CLCNKB: variants seen among roughly 807,000 people sequenced by gnomAD.
CLCNKB encodes chloride voltage-gated channel Kb.
A neutral mutation model predicts 83.8 loss-of-function variants in CLCNKB; 74 were observed. That is an observed-to-expected ratio of 0.88 (90% CI 0.73 to 1.07). The LOEUF (loss-of-function observed/expected upper bound fraction) is 1.07, where lower values mean the gene tolerates loss of function less well. CLCNKB is among the 50% of genes least tolerant of loss of function. The probability of loss-of-function intolerance (pLI) is 0.00; values close to 1 mark genes in which losing one functional copy is unlikely to be tolerated. For synonymous variants in CLCNKB, 358 were observed against 356.6 expected (o/e 1.00, Z -0.04); for missense variants, 798 against 893.6 (o/e 0.89, Z 1.36).
chr1:16,055,707 C>A lies in CLCNKB; in HGVS notation c.1878C>A (p.Cys626Ter). The A allele has an allele frequency of 6.2e-7, 1 of 1,613,850 alleles. No individual in the cohort carries two copies. The highest frequency in any genetic ancestry group is 8.5e-7 in the Non-Finnish European group (1 of 1,180,014). The change falls in exon 18 of 20, where the codon TGC becomes TGA. Residue 626 changes from cysteine (C) to a stop codon, truncating the protein, a stop_gained. Transcript: ENST00000375679. LOFTEE classifies it high-confidence loss of function. ...TCCAGGACATCTTGGCTGCAGGCTG[C>A]CCCACAGAACCAGTGACCCTGAAGC... ...QCLQDILAAG[C>*]PTEPVTLKLS...
chr1:16,050,881 A>G lies in CLCNKB; in HGVS notation c.1060A>G (p.Met354Val). 4 of 1,611,932 alleles carry G rather than the reference A, an allele frequency of 2.5e-6. No homozygotes were observed. The highest frequency in any genetic ancestry group is 3.4e-6 in the Non-Finnish European group (4 of 1,179,902). ...AGRFLASRLS[M>V]KQHLDSLFDN... is the part of the protein sequence containing the mutation. ...CCCACCTGCCCCGCCACAGCTGTCC[A>G]TGAAGCAGCATCTGGACTCGCTGTT... is the stretch of plus-strand genomic sequence containing the variant. Residue 354 changes from methionine to valine, a missense_variant, in exon 12 of 20, where the codon ATG becomes GTG. By Grantham distance (21) the Met-to-Val change is conservative. Coordinates refer to ENST00000375679, the MANE Select transcript of CLCNKB (RefSeq NM_000085.5).
chr1:16,054,751 C>T (rs1184355994), intron 16 of CLCNKB, among the ~76,000 whole-genome samples: 1 of 152,070 alleles, frequency 6.6e-6, no homozygotes, highest in Admixed American at 6.6e-5. Context: ...AGACAAAGTC[C>T]TCTTTTACCC....
chr1:16,049,955 C>A, intron 10 of CLCNKB, 39 bp downstream of exon 10: 1 of 1,145,416 alleles, frequency 8.7e-7, no homozygotes, highest in Non-Finnish European at 1.1e-6. Context: ...TCTCAGCGAG[C>A]TCCCCCCTCA....
chr1:16,044,572 G>C lies in CLCNKB; in HGVS notation c.80G>C (p.Arg27Pro), dbSNP rs2015352. 8 of 1,601,080 alleles carry C rather than the reference G, an allele frequency of 5.0e-6. No homozygotes were observed. The highest frequency in any genetic ancestry group is 1.3e-5 in the African/African-American group (1 of 74,684). The change falls in exon 2 of 20, where the codon CGC becomes CCC. Residue 27 changes from arginine (R) to proline (P), a missense_variant. Physicochemically the swap from Arg to Pro is moderately radical, Grantham distance 103. Transcript: ENST00000375679. The stretch of plus-strand genomic sequence containing the variant: ...CAGGAGCTGTGGGGCCCCTGTCCCC[G>C]CATCCGCCGAGGCATCCGAGGTGAG... ...TLQELWGPCP[R>P]IRRGIRGGLE...
chr1:16,055,842 C>A, intron 18 of CLCNKB, 84 bp downstream of exon 18: 1 of 1,292,924 alleles, frequency 7.7e-7, no homozygotes, highest in Non-Finnish European at 1.1e-6. Context: ...CCAGCCTCCC[C>A]TCCCAACCCC....
intron 10 of CLCNKB, 103 bp downstream of exon 10, chr1:16,050,019 C>A: frequency 5.9e-6 from 2 of 341,426 alleles, no homozygotes; most frequent in South Asian, 2.5e-5. Context: ...GCCCCTAAAG[C>A]CCATCCTAGC....
rs2023474782 is a variant in CLCNKB, at chr1:16,057,130, G to A, written c.*214G>A. On this transcript the variant is annotated 3_prime_UTR_variant, in exon 20 of 20. Coordinates refer to ENST00000375679, the MANE Select transcript of CLCNKB (RefSeq NM_000085.5). Reference sequence around the variant, plus strand: ...CTTGAAAGACAAAAATCCCACCTTGGGCAGAGCTGAGTGTGAGAAGATGGA... The same window carrying A: ...CTTGAAAGACAAAAATCCCACCTTGAGCAGAGCTGAGTGTGAGAAGATGGA... 1.2e-5 allele frequency: 8 copies of A among 688,452 alleles called. No homozygotes were observed. Among genetic ancestry groups the A allele is most frequent in the Admixed American group, 2.2e-5 (1 of 46,118 alleles). 42.6% of individuals were successfully genotyped at this position (688,452 alleles called of 1,614,324 possible).
chr1:16,056,188 G>C (rs1026409117), intron 18 of CLCNKB, among the ~76,000 whole-genome samples: 1 of 152,146 alleles, frequency 6.6e-6, no homozygotes, highest in East Asian at 1.9e-4. Context: ...CGCCCCCTCT[G>C]TGCTGCTGGA....
rs1314261522 is a variant in CLCNKB, at chr1:16,048,745, G to C, written c.655+163G>C. ...AGCCACCGCCCCCCACCGGGGGGAG[G>C]GGGGGCGGGTGACTTGATTGGCGGT... On this transcript the variant is annotated intron_variant, in intron 7 of 19. Coordinates refer to ENST00000375679, the MANE Select transcript of CLCNKB (RefSeq NM_000085.5). 19 of 1,477,902 alleles carry C rather than the reference G, an allele frequency of 1.3e-5. No homozygotes were observed. The Admixed American group carries it at 2.9e-4, about 22-fold the overall frequency. 91.5% of individuals were successfully genotyped at this position (1,477,902 alleles called of 1,614,324 possible). A position where few individuals can be genotyped will look rare whatever the true frequency, so the allele number is the denominator to read the frequency against.
chr1:16,055,565 T>G (rs1570345203), intron 17 of CLCNKB, 42 bp downstream of exon 17: 13 of 1,285,562 alleles, frequency 1.0e-5, no homozygotes, highest in South Asian at 1.2e-5. Context: ...CGGGGGTGGG[T>G]CAGCAGGAAT....
rs189960510 is a variant in CLCNKB, at chr1:16,053,745, G to A, written c.1729G>A (p.Ala577Thr). The change falls in exon 16 of 20, where the codon GCC (alanine) becomes ACC (threonine). Residue 577 changes from alanine (A) to threonine (T), a missense_variant. By Grantham distance (58) the Ala-to-Thr change is moderately conservative (BLOSUM62 0). Coordinates refer to ENST00000375679, the MANE Select transcript of CLCNKB (RefSeq NM_000085.5). ...CAAGGTTGTGACCTCCACAGACGTG[G>A]CCAAGTATCCCCTGGTGGAGAGCAC... ...VVKVVTSTDV[A>T]KYPLVESTES... The A allele has an allele frequency of 1.7e-3, 2,821 of 1,613,706 alleles. 7 individuals carry two copies. Among genetic ancestry groups the A allele is most frequent in the Non-Finnish European group, 1.4e-3 (1,681 of 1,179,840 alleles).
At chr1:16,047,328 C>A (rs9442226) in intron 4 of CLCNKB, among the ~76,000 whole-genome samples, 3 of 152,070 alleles carry the variant, frequency 2.0e-5, no homozygotes, top group African/African-American at 7.2e-5. Flanking sequence ...GCCCGTGGTC[C>A]GAGCTACTCA....
chr1:16,045,420 C>A, intron 2 of CLCNKB, 138 bp from the exon 3 acceptor site: 2 of 1,030,198 alleles, frequency 1.9e-6, no homozygotes, highest in Non-Finnish European at 1.4e-6. Flanking sequence ...AGGGCCCCCT[C>A]GGGACTACCC....
rs200464534 is a variant in CLCNKB, at chr1:16,047,918, G to C, written c.372G>C (p.Pro124=). The C allele has an allele frequency of 6.2e-7, 1 of 1,613,774 alleles. No homozygotes were observed. Among genetic ancestry groups the C allele is most frequent in the South Asian group, 1.1e-5 (1 of 91,056 alleles). Residue 124 remains proline (P), a synonymous_variant, in exon 5 of 20, where the codon CCG becomes CCC. Coordinates refer to ENST00000375679, the MANE Select transcript of CLCNKB (RefSeq NM_000085.5). ...ACCCCCGCCAAGGTTCTGGAATCCC[G>C]GAGGTGAAGACCATGTTGGCGGGTG... ...ITPSSGGSGI[P]EVKTMLAGVV...
At chr1:16,047,771 A>G (rs1353955213) in intron 4 of CLCNKB, 134 bp from the exon 5 acceptor site, 3 of 1,083,746 alleles carry the variant, frequency 2.8e-6, no homozygotes, top group East Asian at 2.4e-5. Context: ...CTTGTCCCCA[A>G]AGGAAAATAA....
rs749623453 is a variant in CLCNKB at position 16,049,069 on chromosome 1, T to C, written c.656-51T>C. 109 of 1,608,514 alleles carry C rather than the reference T, an allele frequency of 6.8e-5. No individual in the cohort carries two copies. In the Middle Eastern group the frequency reaches 7.0e-4, roughly 10 times the overall value. On this transcript the variant is annotated intron_variant, in intron 7 of 19. Coordinates refer to ENST00000375679, the MANE Select transcript of CLCNKB (RefSeq NM_000085.5). Reference sequence around the variant, plus strand: ...GTGACATGGGGAGGGGGTCCTACAGTCACAGGTGGGTGGGGGTGGAGGGCC... The same window carrying C: ...GTGACATGGGGAGGGGGTCCTACAGCCACAGGTGGGTGGGGGTGGAGGGCC...
At chr1:16,053,919 C>T in intron 16 of CLCNKB, 147 bp downstream of exon 16, 2 of 1,126,060 alleles carry the variant, frequency 1.8e-6, no homozygotes, top group Non-Finnish European at 2.6e-6. Flanking sequence ...TCACCTGAGC[C>T]TCAGTTTCCT....
intron 10 of CLCNKB, among the ~76,000 whole-genome samples, chr1:16,050,243 C>T (rs559840800): frequency 6.6e-6 from 1 of 152,144 alleles, no homozygotes; most frequent in Middle Eastern, 3.4e-3. Context: ...GCCAAGCCCT[C>T]CTGCCCCAGG....
rs148870670 is a variant in CLCNKB, at chr1:16,049,817, G to T, written c.869G>T (p.Gly290Val). Residue 290 changes from glycine to valine, a missense_variant and splice_region_variant, in exon 10 of 20, where the codon GGT becomes GTT. Gly to Val is a moderately radical substitution (Grantham distance 109). Coordinates refer to ENST00000375679, the MANE Select transcript of CLCNKB (RefSeq NM_000085.5). The stretch of plus-strand genomic sequence containing the variant: ...GCTCATGTCTCCATGCTCCCCAGGG[G>T]TCTCTGTGGCATCCTGGGCAGCGCT... The part of the protein sequence containing the change: ...PEIFFFVALG[G>V]LCGILGSAYL... 8.9e-4 allele frequency: 1,436 copies of T among 1,613,848 alleles called. 2 individuals carry two copies. The highest frequency in any genetic ancestry group is 1.1e-3 in the Non-Finnish European group (1,268 of 1,179,896).
Sources: gnomAD v4.1 joint callset for allele counts (sites outside exome capture counted in the v4.1 genomes callset) on GRCh38, gnomAD v4.1.1 for gene constraint, MANE v1.5 for transcripts, NCBI Gene and HGNC (gene_info 2026-07-23, HGNC 2026-07-21) for gene names.